RAD51B: variants seen among roughly 807,000 people sequenced by gnomAD.
The protein encoded by RAD51B is RAD51 paralog B.
In RAD51B, 38 loss-of-function variants were observed where a neutral mutation model predicts 42.2. The observed-to-expected ratio is 0.90, with a 90% CI of 0.70 to 1.18. The LOEUF is 1.18. RAD51B is among the 50% of genes most tolerant of loss of function. The pLI is 0.00. For synonymous variants in RAD51B, 154 were observed against 145.2 expected, an observed-to-expected ratio of 1.06 and a Z score of -0.43; for missense variants, 373 against 400.7, an observed-to-expected ratio of 0.93 and a Z score of 0.59.
At chr14:68,324,167 T>A (rs3784110) in intron 8 of RAD51B, among the ~76,000 whole-genome samples, 12,658 of 152,284 alleles carry the variant, frequency 0.083, 884 homozygotes, top group East Asian at 0.4. Context: ...TTACTTACAG[T>A]GCTGTTTGGG....
chr14:68,504,923 A>G (rs914485890), intron 10 of RAD51B, among the ~76,000 whole-genome samples: 2 of 152,154 alleles, frequency 1.3e-5, no homozygotes, highest in Non-Finnish European at 2.9e-5. Flanking sequence ...CAGACCTGCA[A>G]GAGGCCAGGG....
At chr14:67,854,487 A>G (rs560405858) in intron 4 of RAD51B, among the ~76,000 whole-genome samples, 41 of 151,772 alleles carry the variant, frequency 2.7e-4, no homozygotes, top group African/African-American at 9.2e-4. Flanking sequence ...TACAAAAATT[A>G]GCTGGGTGTG....
intron 8 of RAD51B, chr14:68,387,043 G>T (rs959040952): frequency 2.6e-5 from 4 of 152,212 alleles, no homozygotes; most frequent in Non-Finnish European, 5.9e-5. Flanking sequence ...TTGGGTTTTT[G>T]TATCAGGGAT....
At chr14:68,531,603 A>G (rs2247048) in intron 10 of RAD51B, among the ~76,000 whole-genome samples, 30,476 of 152,274 alleles carry the variant, frequency 0.2, 3,698 homozygotes, top group South Asian at 0.3. Flanking sequence ...AAAACTAAGA[A>G]AATGTAAAAA....
intron 9 of RAD51B, among the ~76,000 whole-genome samples, chr14:68,446,230 A>G (rs1004024525): frequency 1.3e-5 from 2 of 152,230 alleles, no homozygotes; most frequent in East Asian, 3.8e-4. Flanking sequence ...TACAGATGGA[A>G]GAAATGGGCT....
intron 9 of RAD51B, among the ~76,000 whole-genome samples, chr14:68,422,565 A>AAG (rs2084733987): frequency 6.6e-6 from 1 of 151,534 alleles, no homozygotes; most frequent in Non-Finnish European, 1.5e-5. Flanking sequence ...ATCTCAAAAA[A>AAG]AAAAAAAAAA....
At chr14:68,387,798 T>G (rs938876804) in intron 8 of RAD51B, among the ~76,000 whole-genome samples, 1 of 152,186 alleles carries the variant, frequency 6.6e-6, no homozygotes, top group African/African-American at 2.4e-5. Flanking sequence ...ATAGCTGCAC[T>G]GTCGCTACAT....
At chr14:68,318,575 C>T (rs1167205345) in intron 8 of RAD51B, among the ~76,000 whole-genome samples, 1 of 152,152 alleles carries the variant, frequency 6.6e-6, no homozygotes, top group African/African-American at 2.4e-5. Flanking sequence ...TTTGATATTA[C>T]TAAGAAAGAG....
At chr14:68,463,721 A>C (rs979945328) in intron 9 of RAD51B, among the ~76,000 whole-genome samples, 2 of 152,218 alleles carry the variant, frequency 1.3e-5, no homozygotes, top group African/African-American at 2.4e-5. Context: ...TTTTCACTCC[A>C]GTCCTCTTAC....
At chr14:68,309,167 TC>T (rs1333341568) in intron 8 of RAD51B, among the ~76,000 whole-genome samples, 5 of 152,202 alleles carry the variant, frequency 3.3e-5, no homozygotes. Context: ...GAAAAGCTAT[TC>T]TTACAGTAAG....
At chr14:68,432,877 T>C (rs2085048095) in intron 9 of RAD51B, among the ~76,000 whole-genome samples, 1 of 152,252 alleles carries the variant, frequency 6.6e-6, no homozygotes, top group African/African-American at 2.4e-5. Flanking sequence ...GCTTTTGCAG[T>C]GGCTGGTACC....
intron 7 of RAD51B, among the ~76,000 whole-genome samples, chr14:68,143,779 TG>T (rs1248299909): frequency 6.6e-6 from 1 of 152,060 alleles, no homozygotes; most frequent in African/African-American, 2.4e-5. Flanking sequence ...AAGCGCAGGG[TG>T]GTTGGCATTG....
intron 8 of RAD51B, among the ~76,000 whole-genome samples, chr14:68,312,075 T>TC (rs1275001201): frequency 2.0e-5 from 3 of 152,228 alleles, no homozygotes; most frequent in Non-Finnish European, 2.9e-5. Context: ...AAGGCCCAAG[T>TC]CCGTATAGGA....
At chr14:67,928,457 T>C (rs1595121125) in intron 7 of RAD51B, among the ~76,000 whole-genome samples, 1 of 152,136 alleles carries the variant, frequency 6.6e-6, no homozygotes, top group Non-Finnish European at 1.5e-5. Flanking sequence ...GAGGAGGCGG[T>C]GTCTGATTTG....
intron 7 of RAD51B, among the ~76,000 whole-genome samples, chr14:68,094,697 G>A (rs1484490237): frequency 2.0e-5 from 3 of 152,110 alleles, no homozygotes; most frequent in African/African-American, 7.2e-5. Context: ...CTGAATTGAG[G>A]AGTATGATTA....
intron 9 of RAD51B, among the ~76,000 whole-genome samples, chr14:68,430,100 G>T (rs939404588): frequency 1.3e-5 from 2 of 152,124 alleles, no homozygotes; most frequent in African/African-American, 2.4e-5. Flanking sequence ...CCGTTCCATT[G>T]GTCTATATCT....
intron 10 of RAD51B, among the ~76,000 whole-genome samples, chr14:68,576,406 A>G (rs1426086936): frequency 6.6e-6 from 1 of 152,210 alleles, no homozygotes; most frequent in Non-Finnish European, 1.5e-5. Context: ...TGCCACCCCC[A>G]ACCCAGAGGA....
intron 8 of RAD51B, among the ~76,000 whole-genome samples, chr14:68,405,279 G>C (rs545799694): frequency 7.2e-5 from 11 of 152,206 alleles, no homozygotes; most frequent in Non-Finnish European, 1.3e-4. Flanking sequence ...TGTCTCTACA[G>C]AAAAATAAAA....
chr14:68,280,133 C>T (rs1279954181), intron 7 of RAD51B, among the ~76,000 whole-genome samples: 1 of 152,266 alleles, frequency 6.6e-6, no homozygotes, highest in Non-Finnish European at 1.5e-5. Flanking sequence ...GCCGGACCTA[C>T]TGGAGCATGG....
Sources: allele counts gnomAD v4.1 joint callset (sites outside exome capture counted in the v4.1 genomes callset), GRCh38; gene constraint gnomAD v4.1.1; transcripts MANE v1.5; gene names NCBI Gene and HGNC (gene_info 2026-07-23, HGNC 2026-07-21).